Variants in C8orf34 observed in about 807,000 individuals in gnomAD.
The protein encoded by C8orf34 is chromosome 8 open reading frame 34.
A neutral mutation model predicts 68.3 loss-of-function variants in C8orf34; 65 were observed. The observed-to-expected ratio is 0.95, with a 90% confidence interval of 0.78 to 1.17. The LOEUF (loss-of-function observed/expected upper bound fraction) is 1.17, where lower values mean the gene tolerates loss of function less well. Ranked by LOEUF, C8orf34 falls within the 50% of genes most tolerant of loss-of-function variation. The pLI is 0.00. For synonymous variants in C8orf34, 244 were observed against 241.2 expected, an observed-to-expected ratio of 1.01 and a Z score of -0.11; for missense variants, 664 against 655.4, an observed-to-expected ratio of 1.01 and a Z score of -0.14.
chr8:68,473,019 T>C (rs1407878402), intron 4 of C8orf34, among the ~76,000 whole-genome samples: 1 of 152,108 alleles, frequency 6.6e-6, no homozygotes, highest in Non-Finnish European at 1.5e-5. Flanking sequence ...CCAGACATCA[T>C]TGGTTTTCCT....
At chr8:68,396,734 A>G (rs1326182355) in intron 1 of C8orf34, among the ~76,000 whole-genome samples, 1 of 148,490 alleles carries the variant, frequency 6.7e-6, no homozygotes, top group African/African-American at 2.5e-5. Flanking sequence ...AAAAAAAAAA[A>G]AAAAAAAGCC....
intron 3 of C8orf34, among the ~76,000 whole-genome samples, chr8:68,458,878 T>A (rs1224546517): frequency 6.6e-6 from 1 of 152,240 alleles, no homozygotes; most frequent in Non-Finnish European, 1.5e-5. Context: ...TTCATTTTTT[T>A]ATTTTTAATT....
chr8:68,478,680 G>A (rs1812727690), intron 4 of C8orf34, among the ~76,000 whole-genome samples: 1 of 152,140 alleles, frequency 6.6e-6, no homozygotes, highest in African/African-American at 2.4e-5. Flanking sequence ...TTACAATTAT[G>A]GCAGAAGGAG....
intron 9 of C8orf34, among the ~76,000 whole-genome samples, chr8:68,714,467 C>T (rs1253445574): frequency 2.0e-5 from 3 of 152,104 alleles, no homozygotes; most frequent in Admixed American, 1.3e-4. Flanking sequence ...ATCAGTAGCT[C>T]TGCTGTACAC....
At chr8:68,537,644 A>C (rs1049775912) in intron 7 of C8orf34, among the ~76,000 whole-genome samples, 1 of 151,980 alleles carries the variant, frequency 6.6e-6, no homozygotes, top group Non-Finnish European at 1.5e-5. Context: ...TTTCTTTATG[A>C]TTCATTTTCA....
intron 12 of C8orf34, among the ~76,000 whole-genome samples, chr8:68,795,687 A>G (rs942101164): frequency 6.6e-6 from 1 of 152,192 alleles, no homozygotes; most frequent in Non-Finnish European, 1.5e-5. Context: ...CAGAGCCTCT[A>G]TGTCAACCAG....
At chr8:68,488,487 TACTTTGAAGTGGG>T (rs1813170830) in intron 5 of C8orf34, among the ~76,000 whole-genome samples, 1 of 152,174 alleles carries the variant, frequency 6.6e-6, no homozygotes, top group African/African-American at 2.4e-5. Flanking sequence ...ACTATGATGG[TACTTTGAAGTGGG>T]GTAGTAGTTA....
chr8:68,375,513 A>G (rs1360110001), intron 1 of C8orf34, among the ~76,000 whole-genome samples: 1 of 152,204 alleles, frequency 6.6e-6, no homozygotes, highest in East Asian at 1.9e-4. Flanking sequence ...AGAAACTCAT[A>G]TAGAATGTTC....
At chr8:68,335,811 G>C (rs1468979959) in intron 1 of C8orf34, among the ~76,000 whole-genome samples, 1 of 152,200 alleles carries the variant, frequency 6.6e-6, no homozygotes, top group Non-Finnish European at 1.5e-5. Context: ...CAGGCATGGT[G>C]GTTCATGCCT....
chr8:68,436,430 TA>T (rs1810670698), intron 1 of C8orf34, among the ~76,000 whole-genome samples: 1 of 152,200 alleles, frequency 6.6e-6, no homozygotes, highest in Non-Finnish European at 1.5e-5. Context: ...AGTATCGTAT[TA>T]AAATTAACAC....
chr8:68,782,504 A>T (rs1823708182), intron 11 of C8orf34, among the ~76,000 whole-genome samples: 1 of 143,760 alleles, frequency 7.0e-6, no homozygotes, highest in Admixed American at 6.8e-5. Flanking sequence ...TCTCTAAAGG[A>T]ATCTAGACCT....
At chr8:68,458,320 C>G (rs1341828234) in intron 3 of C8orf34, among the ~76,000 whole-genome samples, 3 of 152,236 alleles carry the variant, frequency 2.0e-5, no homozygotes, top group Middle Eastern at 3.4e-3. Context: ...CTGGCCAGTT[C>G]TCCTGCTGGC....
chr8:68,508,406 C>T (rs1586283922), intron 5 of C8orf34, among the ~76,000 whole-genome samples: 2 of 152,172 alleles, frequency 1.3e-5, no homozygotes, highest in South Asian at 2.1e-4. Flanking sequence ...AACTATATCC[C>T]AAAATCAATG....
chr8:68,519,005 A>G (rs1252449848), intron 5 of C8orf34, among the ~76,000 whole-genome samples: 2 of 152,042 alleles, frequency 1.3e-5, no homozygotes, highest in African/African-American at 4.8e-5. Context: ...TTCTTTTCTC[A>G]TACATTGTAC....
chr8:68,637,153 G>A (rs1178301357), intron 7 of C8orf34, among the ~76,000 whole-genome samples: 1 of 152,178 alleles, frequency 6.6e-6, no homozygotes, highest in African/African-American at 2.4e-5. Flanking sequence ...GAATGAGATT[G>A]TTCAACTCTC....
intron 1 of C8orf34, among the ~76,000 whole-genome samples, chr8:68,380,077 A>G (rs1381760458): frequency 6.6e-6 from 1 of 152,114 alleles, no homozygotes; most frequent in African/African-American, 2.4e-5. Context: ...GCCCAGGTGG[A>G]TCTCAAACTC....
At position 68,331,227 on chromosome 8, in the gene C8orf34, C is replaced by G. The variant is rs1294085455; in HGVS notation, c.215C>G (p.Pro72Arg). ...RRVVPSGGAQPRVLPALSSRS... is the reference protein window; with the variant it reads ...RRVVPSGGAQRRVLPALSSRS... ...GTTGTCCCCAGCGGAGGCGCACAGC[C>G]GCGCGTTCTCCCTGCACTCTCTTCG... The change falls in exon 1 of 14, where the codon CCG (proline) becomes CGG (arginine). Residue 72 changes from proline to arginine, a missense_variant. Physicochemically the swap from Pro to Arg is moderately radical, Grantham distance 103. Coordinates refer to ENST00000518698, the MANE Select transcript of C8orf34 (RefSeq NM_052958.4). 2.0e-6 allele frequency: 3 copies of G among 1,536,122 alleles called. No individual in the cohort carries two copies. The highest frequency in any genetic ancestry group is 2.4e-5 in the East Asian group (1 of 40,864).
intron 6 of C8orf34, among the ~76,000 whole-genome samples, chr8:68,532,482 AG>A (rs1815291094): frequency 6.6e-6 from 1 of 152,222 alleles, no homozygotes; most frequent in Non-Finnish European, 1.5e-5. Context: ...TATAAATAAA[AG>A]CAAGACAATT....
intron 1 of C8orf34, among the ~76,000 whole-genome samples, chr8:68,392,269 A>G (rs1216885446): frequency 2.6e-5 from 4 of 151,808 alleles, no homozygotes; most frequent in Admixed American, 6.6e-5. Flanking sequence ...ATTTCTGTCT[A>G]TAGAGAAAAT....
Sources: allele counts gnomAD v4.1 joint callset (sites outside exome capture counted in the v4.1 genomes callset), GRCh38; gene constraint gnomAD v4.1.1; transcripts MANE v1.5; gene names NCBI Gene and HGNC (gene_info 2026-07-23, HGNC 2026-07-21).